MROH1: variants seen among roughly 807,000 people sequenced by gnomAD.
The protein encoded by MROH1 is maestro heat like repeat family member 1.
Under a neutral mutation model 116.5 loss-of-function variants are expected in MROH1, and 117 were observed. The observed-to-expected ratio is 1.00, with a 90% CI of 0.86 to 1.17. MROH1 has a LOEUF of 1.17. Ranked by LOEUF, MROH1 falls within the 50% of genes most tolerant of loss-of-function variation. The probability of loss-of-function intolerance (pLI) is 0.00; values close to 1 mark genes in which losing one functional copy is unlikely to be tolerated. For missense variants in MROH1, 1,873 were observed against 1,338.5 expected, an observed-to-expected ratio of 1.40 and a Z score of -6.23; for synonymous variants, 921 against 583.9, an observed-to-expected ratio of 1.58 and a Z score of -8.32.
Position 144,180,297 on chromosome 8 carries a change from C to A in MROH1, c.420C>A (p.His140Gln). The change falls in exon 6 of 44, where the codon CAC (histidine) becomes CAA (glutamine). Residue 140 changes from histidine to glutamine, a missense_variant. His to Gln is a conservative substitution (Grantham distance 24). Coordinates refer to ENST00000326134, the MANE Select transcript of MROH1 (RefSeq NM_032450.3). This position sits in a 1 kb window ranked among gnomAD's most constrained non-coding sequence, Gnocchi z 7.4. ...GGCTGCACCCTGGGACCCTGCCACACTGCGCCGTGCTGCACACCCTCGCCA... is the reference window on the plus strand; with the variant it reads ...GGCTGCACCCTGGGACCCTGCCACAATGCGCCGTGCTGCACACCCTCGCCA... ...LRRLHPGTLP[H>Q]CAVLHTLASL... 1 of 1,607,826 alleles carries A rather than the reference C, an allele frequency of 6.2e-7. No homozygotes were observed. The highest frequency in any genetic ancestry group is 8.5e-7 in the Non-Finnish European group (1 of 1,179,708).
At chr8:144,168,194 C>T in intron 3 of MROH1, 101 bp from the exon 4 acceptor site, 1 of 1,324,630 alleles carries the variant, frequency 7.5e-7, no homozygotes, top group Non-Finnish European at 1.0e-6. Context: ...TGTCTGTGAT[C>T]CTCAGAGGCT....
chr8:144,194,405 T>C (rs1365561388), intron 10 of MROH1, among the ~76,000 whole-genome samples: 2 of 152,118 alleles, frequency 1.3e-5, no homozygotes, highest in Non-Finnish European at 2.9e-5. Flanking sequence ...CTTCCCTAAG[T>C]TAACAAAGTA....
Position 144,246,195 on chromosome 8 carries a change from G to A in MROH1, c.2871+935G>A, listed in dbSNP as rs982942469. 5.3e-5 allele frequency among the ~76,000 whole-genome samples: 8 copies of A among 150,742 alleles called. No homozygotes were observed. In the South Asian group the frequency reaches 8.4e-4, roughly 16 times the overall value. ...GCAATCTTGGCTCACAGCAACCTCC[G>A]CCTCCTGGGTTCAAGCGATTCTCCT... is the stretch of plus-strand genomic sequence containing the variant. On this transcript the variant is annotated intron_variant, in intron 29 of 43. Transcript: ENST00000326134.
At chr8:144,183,475 C>T (rs1220193692) in intron 7 of MROH1, among the ~76,000 whole-genome samples, 1 of 150,730 alleles carries the variant, frequency 6.6e-6, no homozygotes, top group Non-Finnish European at 1.5e-5. Context: ...TTCCCACTGC[C>T]GAATACCTGG....
At chr8:144,173,463 C>T (rs933326865) in intron 4 of MROH1, among the ~76,000 whole-genome samples, 3 of 150,260 alleles carry the variant, frequency 2.0e-5, no homozygotes, top group Admixed American at 6.7e-5. Context: ...TCACTCTTGC[C>T]CAGGCTGGGC....
At chr8:144,168,485 C>T (rs527986286) in intron 4 of MROH1, 45 bp downstream of exon 4, 17 of 1,558,124 alleles carry the variant, frequency 1.1e-5, no homozygotes, top group African/African-American at 9.5e-5. Flanking sequence ...GGGCCATGGT[C>T]GGTTGGGGCT....
intron 12 of MROH1, among the ~76,000 whole-genome samples, chr8:144,220,122 G>A (rs1836388879): frequency 6.6e-6 from 1 of 152,152 alleles, no homozygotes; most frequent in African/African-American, 2.4e-5. Flanking sequence ...CAGAAATGAA[G>A]GCCCTGTTGA....
At chr8:144,219,492 C>T (rs1485281006) in intron 12 of MROH1, among the ~76,000 whole-genome samples, 3 of 152,138 alleles carry the variant, frequency 2.0e-5, no homozygotes, top group African/African-American at 4.8e-5. Flanking sequence ...CCATACTTCC[C>T]AGTTCTGAGG....
In MROH1 at chr8:144,163,559, G is replaced by T. The variant is rs1321259684; in HGVS notation, c.-56-212G>T. 6.6e-6 allele frequency among the ~76,000 whole-genome samples: 1 copy of T among 152,192 alleles called. No homozygotes were observed. The highest frequency in any genetic ancestry group is 1.5e-5 in the Non-Finnish European group (1 of 68,042). On this transcript the variant is annotated intron_variant, in intron 2 of 43. Coordinates refer to ENST00000326134, the MANE Select transcript of MROH1 (RefSeq NM_032450.3). The surrounding 1 kb of genome is among the most constrained non-coding windows in gnomAD (Gnocchi z 4.4). ...GGCCAGTGAGGTGCTGGTAGGGACT[G>T]ATGGGTGCTCAGGGATGGAGGAGAG...
intron 12 of MROH1, among the ~76,000 whole-genome samples, chr8:144,209,752 T>TA (rs551616401): frequency 6.6e-6 from 1 of 150,422 alleles, no homozygotes; most frequent in Non-Finnish European, 1.5e-5. Flanking sequence ...CTACTAAAAA[T>TA]AAAAAAAGCC....
chr8:144,259,995 G>T lies in MROH1; in HGVS notation c.4129G>T (p.Ala1377Ser). The change falls in exon 38 of 44, where the codon GCC becomes TCC. Residue 1377 changes from alanine (A) to serine (S), a missense_variant. By Grantham distance (99) the Ala-to-Ser change is moderately conservative. Coordinates refer to ENST00000326134, the MANE Select transcript of MROH1 (RefSeq NM_032450.3). ...GGCGGCTCGCCAGAAGGACACATGC[G>T]CCAGCGTGCGGAGGCTGGTGCTCCG... is the stretch of plus-strand genomic sequence containing the variant. ...SLAARQKDTC[A>S]SVRRLVLRGL... 2.7e-6 allele frequency: 2 copies of T among 733,912 alleles called. No individual in the cohort carries two copies. Among genetic ancestry groups the T allele is most frequent in the Non-Finnish European group, 2.5e-6 (1 of 397,938 alleles). The allele number at this position is 733,912 out of a possible 1,614,324, so 45.5% of individuals were successfully genotyped here. A position where few individuals can be genotyped will look rare whatever the true frequency, so the allele number is the denominator to read the frequency against.
At chr8:144,148,194 G>A (rs1244379990) in intron 1 of MROH1, 118 bp downstream of exon 1, 1 of 152,388 alleles carries the variant, frequency 6.6e-6, no homozygotes, top group Non-Finnish European at 1.5e-5. Flanking sequence ...GCCGAGTCAG[G>A]AGGCGCCTCC....
chr8:144,169,314 GACC>G (rs1821823704), intron 4 of MROH1, among the ~76,000 whole-genome samples: 1 of 152,138 alleles, frequency 6.6e-6, no homozygotes, highest in South Asian at 2.1e-4. Flanking sequence ...TGGGGAAGAT[GACC>G]CAGTTCCATG....
At chr8:144,188,723 C>G (rs1827838638) in intron 7 of MROH1, among the ~76,000 whole-genome samples, 1 of 152,094 alleles carries the variant, frequency 6.6e-6, no homozygotes, top group African/African-American at 2.4e-5. Context: ...GCCTCAGCCT[C>G]CCAAAGTTCT....
chr8:144,179,382 G>A, intron 4 of MROH1, 73 bp from the exon 5 acceptor site: 1 of 1,584,582 alleles, frequency 6.3e-7, no homozygotes, highest in African/African-American at 1.3e-5. Context: ...ATCTTGTAGA[G>A]ACAGTGACAG....
chr8:144,254,248 G>A (rs1843314731), intron 33 of MROH1, among the ~76,000 whole-genome samples: 1 of 152,156 alleles, frequency 6.6e-6, no homozygotes, highest in South Asian at 2.1e-4. Context: ...CACCAAATAT[G>A]TCCACTGAGT....
chr8:144,213,796 AATT>A (rs1012176737), intron 12 of MROH1, among the ~76,000 whole-genome samples: 1 of 152,106 alleles, frequency 6.6e-6, no homozygotes, highest in Non-Finnish European at 1.5e-5. Context: ...TCAAAAAAAA[AATT>A]ATTTATTGTT....
chr8:144,246,699 G>A (rs1341621420), intron 29 of MROH1, among the ~76,000 whole-genome samples: 3 of 152,180 alleles, frequency 2.0e-5, no homozygotes, highest in African/African-American at 7.2e-5. Flanking sequence ...CCTGTGCAAG[G>A]GTAGGGTGGG....
Position 144,177,290 on chromosome 8 carries a change from G to A in MROH1, c.169-2165G>A, listed in dbSNP as rs185460249. ...TGTATGCCACAGCCACGTGCGGCAC[G>A]TGTATGTGGGCCTGGGAGCTGCCTG... On this transcript the variant is annotated intron_variant, in intron 4 of 43. Coordinates refer to ENST00000326134, the MANE Select transcript of MROH1 (RefSeq NM_032450.3). Among the ~76,000 whole-genome samples the A allele has an allele frequency of 2.3e-4, 35 of 152,302 alleles. No individual in the cohort carries two copies. In the East Asian group the frequency reaches 2.9e-3, roughly 13 times the overall value.
Sources: gnomAD v4.1 joint callset for allele counts (sites outside exome capture counted in the v4.1 genomes callset) on GRCh38, gnomAD v4.1.1 for gene constraint, Gnocchi (gnomAD v3.1) non-coding constraint, MANE v1.5 for transcripts, NCBI Gene and HGNC (gene_info 2026-07-23, HGNC 2026-07-21) for gene names.